USP2: variants seen among roughly 807,000 people sequenced by gnomAD.
USP2 encodes the protein ubiquitin carboxyl-terminal hydrolase 2.
A neutral mutation model predicts 72.0 loss-of-function variants in USP2; 33 were observed. The ratio of observed to expected loss-of-function variants is 0.46; its 90% CI spans 0.35 to 0.61. The LOEUF (loss-of-function observed/expected upper bound fraction) is 0.61, where lower values mean the gene tolerates loss of function less well. Among genes scored for constraint, USP2 ranks in the 20% least tolerant of loss-of-function variants. The pLI is 0.01. For missense variants in USP2, 691 were observed against 797.8 expected (o/e 0.87, Z 1.61); for synonymous variants, 296 against 312.5 (o/e 0.95, Z 0.56).
rs143278764 is a variant in USP2, at chr11:119,372,892, C to T, written c.589G>A (p.Asp197Asn). 173 of 1,609,788 alleles carry T rather than the reference C, an allele frequency of 1.1e-4. No homozygotes were observed. The highest frequency in any genetic ancestry group is 1.5e-4 in the Admixed American group (9 of 59,740). The change falls in exon 2 of 13, where the codon GAC (aspartate) becomes AAC (asparagine). Residue 197 changes from aspartate to asparagine, a missense_variant. Asp to Asn is a conservative substitution (Grantham distance 23). Coordinates refer to ENST00000260187, the MANE Select transcript of USP2 (RefSeq NM_004205.5). ...QTASCPEYLV[D>N]YLENYGRKGS... ...TTGCGACCATAGTTCTCCAGGTAGT[C>T]GACCAGGTATTCAGGGCAGCTGGCT...
At chr11:119,363,233 A>G (rs746019958) in intron 2 of USP2, among the ~76,000 whole-genome samples, 15 of 152,172 alleles carry the variant, frequency 9.9e-5, no homozygotes, top group Non-Finnish European at 1.8e-4. Flanking sequence ...CCAGGCGGGC[A>G]GCGCCCAGCC....
chr11:119,369,807 C>G (rs910935897), intron 2 of USP2, among the ~76,000 whole-genome samples: 24 of 152,158 alleles, frequency 1.6e-4, no homozygotes, highest in African/African-American at 5.8e-4. Context: ...CCCGTCCCAG[C>G]CTCAGATGAC....
chr11:119,370,857 G>C (rs1030850687), intron 2 of USP2, among the ~76,000 whole-genome samples: 1 of 150,242 alleles, frequency 6.7e-6, no homozygotes, highest in African/African-American at 2.5e-5. Context: ...CCCTGGAGCC[G>C]GGGGGAGGAG....
At chr11:119,371,331 A>C (rs925293490) in intron 2 of USP2, among the ~76,000 whole-genome samples, 1 of 152,094 alleles carries the variant, frequency 6.6e-6, no homozygotes, top group African/African-American at 2.4e-5. Context: ...GCCGAGTCCA[A>C]GTGAGTCCTG....
chr11:119,358,608 GC>G, intron 7 of USP2, 164 bp downstream of exon 7: 1 of 860,754 alleles, frequency 1.2e-6, no homozygotes, highest in Non-Finnish European at 1.8e-6. Flanking sequence ...GAGCCACCAT[GC>G]CCGGCCTGCA....
At chr11:119,360,617 G>C (rs561891891) in intron 2 of USP2, among the ~76,000 whole-genome samples, 1 of 152,034 alleles carries the variant, frequency 6.6e-6, no homozygotes, top group Non-Finnish European at 1.5e-5. Flanking sequence ...TAGAGACAGG[G>C]TTTCGTCATG....
In USP2 at chr11:119,364,249, T is replaced by TG. The variant is rs1168854147; in HGVS notation, c.775-4016dup. On this transcript the variant is annotated intron_variant, in intron 2 of 12. Transcript: ENST00000260187. ...GCCTCGGGCCCCGCGACGTCAGCGC[T>TG]GGGGCGGGGCCAGGCCCTAAGCCCC... 6.9e-5 allele frequency: 69 copies of TG among 1,003,514 alleles called. No homozygotes were observed. The African/African-American group carries it at 1.2e-3, about 17-fold the overall frequency. 62.2% of individuals were successfully genotyped at this position (1,003,514 alleles called of 1,614,324 possible).
intron 7 of USP2, 133 bp downstream of exon 7, chr11:119,358,640 T>C: frequency 1.8e-6 from 2 of 1,107,016 alleles, no homozygotes; most frequent in Non-Finnish European, 1.4e-6. Flanking sequence ...TTTCTTGCTG[T>C]TCCTGCTTTG....
rs1027278856 is a variant in USP2, at chr11:119,381,536, C to G, written c.-105G>C. The G allele has an allele frequency of 9.8e-6, 15 of 1,536,008 alleles. No homozygotes were observed. Among genetic ancestry groups the G allele is most frequent in the Middle Eastern group, 1.7e-4 (1 of 6,010 alleles). On this transcript the variant is annotated 5_prime_UTR_variant, in exon 1 of 13. Transcript: ENST00000260187. ...CAAGCATGGAGCTGCGGGTGAGTCC[C>G]GGCTGGCGCTGGCGCGGCGCAGTGA...
intron 1 of USP2, among the ~76,000 whole-genome samples, chr11:119,379,757 T>G (rs1565315748): frequency 6.6e-6 from 1 of 152,118 alleles, no homozygotes; most frequent in Non-Finnish European, 1.5e-5. Context: ...AAAATAATAT[T>G]TGTAAATTTC....
At position 119,381,659 on chromosome 11, in the gene USP2, G is replaced by T; in HGVS notation, c.-228C>A. The T allele has an allele frequency of 8.9e-7, 1 of 1,119,992 alleles. No individual in the cohort carries two copies. The highest frequency in any genetic ancestry group is 1.3e-6 in the Non-Finnish European group (1 of 776,430). The allele number at this position is 1,119,992 out of a possible 1,614,324, so 69.4% of individuals were successfully genotyped here. On this transcript the variant is annotated 5_prime_UTR_variant, in exon 1 of 13. Coordinates refer to ENST00000260187, the MANE Select transcript of USP2 (RefSeq NM_004205.5). ...GAAGGGACCTCCCCGGGAAATCGGCGCCACCCAGCGGGCAGCCGCCTCATC... is the reference window on the plus strand; with the variant it reads ...GAAGGGACCTCCCCGGGAAATCGGCTCCACCCAGCGGGCAGCCGCCTCATC...
At chr11:119,379,690 CT>C (rs1040352047) in intron 1 of USP2, among the ~76,000 whole-genome samples, 2 of 152,134 alleles carry the variant, frequency 1.3e-5, no homozygotes, top group Non-Finnish European at 2.9e-5. Context: ...GCTATTTAAT[CT>C]GCAAAACGGG....
At chr11:119,364,973 C>T (rs1950831981) in intron 2 of USP2, among the ~76,000 whole-genome samples, 1 of 152,146 alleles carries the variant, frequency 6.6e-6, no homozygotes, top group Admixed American at 6.5e-5. Context: ...GGGAAATAGG[C>T]GCTCAGCTGG....
In USP2 at chr11:119,378,901, C is replaced by T. The variant is rs915409206; in HGVS notation, c.-42+2572G>A. The T allele has an allele frequency of 5.8e-6, 5 of 865,906 alleles. No individual in the cohort carries two copies. In the African/African-American group the frequency reaches 7.3e-5, roughly 13 times the overall value. The allele number at this position is 865,906 out of a possible 1,614,324, so 53.6% of individuals were successfully genotyped here. ...CCTTTGGTCTTGCCCCTGACACCCA[C>T]CGGGCCCAATGGGGTGGCCTCTCAC... On this transcript the variant is annotated intron_variant, in intron 1 of 12. Coordinates refer to ENST00000260187, the MANE Select transcript of USP2 (RefSeq NM_004205.5).
intron 2 of USP2, 74 bp downstream of exon 2, chr11:119,372,633 G>A (rs547313211): frequency 6.3e-5 from 89 of 1,416,248 alleles, no homozygotes; most frequent in Admixed American, 2.7e-4. Flanking sequence ...GTTGGGAGTC[G>A]AGCCCTCAGC....
In USP2 at chr11:119,357,230, G is replaced by A. The variant is rs139170156; in HGVS notation, c.1687C>T (p.Arg563Cys). The change falls in exon 12 of 13, where the codon CGC becomes TGC. Residue 563 changes from arginine to cysteine, a missense_variant. Physicochemically the swap from Arg to Cys is radical, Grantham distance 180. Transcript: ENST00000260187. ...TMGGHYTAYC[R>C]SPGTGEWHTF... ...TGCCATTCTCCTGTCCCTGGACTGC[G>A]ACAGTAGGCTGTATAGTGGCCACCC... is the stretch of plus-strand genomic sequence containing the variant. 19 of 1,613,754 alleles carry A rather than the reference G, an allele frequency of 1.2e-5. 1 individual carries two copies. Among genetic ancestry groups the A allele is most frequent in the Non-Finnish European group, 1.3e-5 (15 of 1,180,006 alleles).
In USP2 at chr11:119,359,544, G is replaced by A. The variant is rs540153221; in HGVS notation, c.942C>T (p.Leu314=). The stretch of plus-strand genomic sequence containing the variant: ...TGACAGAGGGCCTCTCACCTTCCAC[G>A]AGGGCTGTGTGTGCATTGCTGCCGT... ...LHHGSNAHTA[L]VEEFAKLIQT... The change falls in exon 4 of 13, where the codon CTC becomes CTT. Residue 314 remains leucine (L), a synonymous_variant. Coordinates refer to ENST00000260187, the MANE Select transcript of USP2 (RefSeq NM_004205.5). The A allele has an allele frequency of 8.1e-6, 13 of 1,613,852 alleles. No homozygotes were observed. Among genetic ancestry groups the A allele is most frequent in the South Asian group, 2.2e-5 (2 of 91,078 alleles).
At chr11:119,365,889 ATTTGT>A (rs1324739242) in intron 2 of USP2, among the ~76,000 whole-genome samples, 2 of 137,214 alleles carry the variant, frequency 1.5e-5, no homozygotes, top group African/African-American at 5.5e-5. Context: ...CCTCTATTTT[ATTTGT>A]TTTGTTTTTT....
chr11:119,367,281 A>C (rs76917464), intron 2 of USP2, among the ~76,000 whole-genome samples: 1,780 of 152,250 alleles, frequency 0.012, 36 homozygotes, highest in African/African-American at 0.041. Context: ...AGGATAAGTA[A>C]TTTTTGTCAC....
Sources: allele counts gnomAD v4.1 joint callset (sites outside exome capture counted in the v4.1 genomes callset), GRCh38; gene constraint gnomAD v4.1.1; transcripts MANE v1.5; gene names NCBI Gene and HGNC (gene_info 2026-07-23, HGNC 2026-07-21).